DCAF6: variants seen among roughly 807,000 people sequenced by gnomAD.
DCAF6 encodes DDB1 and CUL4 associated factor 6, also known as DDB1- and CUL4-associated factor 6.
DCAF6 carries 54 observed loss-of-function variants against 125.1 expected under a neutral mutation model. The ratio of observed to expected loss-of-function variants is 0.43; its 90% confidence interval spans 0.35 to 0.54. The LOEUF is 0.54. Among genes scored for constraint, DCAF6 ranks in the 20% least tolerant of loss-of-function variants. The pLI is 0.01. For synonymous variants in DCAF6, 371 were observed against 390.4 expected (o/e 0.95, Z 0.58); for missense variants, 934 against 1,161.7 (o/e 0.80, Z 2.85).
At chr1:167,891,655 C>CAA in the DCAF6 span, among the ~76,000 whole-genome samples, 3,040 of 107,586 alleles carry the variant, frequency 0.028, 112 homozygotes, top group African/African-American at 0.092. Flanking sequence ...GACTCTGTCT[C>CAA]AAAAAAAAAA....
chr1:168,020,279 A>G (rs889719347), intron 11 of DCAF6, among the ~76,000 whole-genome samples: 1 of 152,360 alleles, frequency 6.6e-6, no homozygotes, highest in East Asian at 1.9e-4. Flanking sequence ...TAACTTGCCC[A>G]GGGTTACAAT....
chr1:167,936,060 C>T (rs1387715552), upstream of DCAF6: 2 of 583,664 alleles, frequency 3.4e-6, no homozygotes, highest in Non-Finnish European at 6.2e-6. Flanking sequence ...GACTGCCAGC[C>T]CCCGGTCCGC....
the DCAF6 span, among the ~76,000 whole-genome samples, chr1:167,903,734 A>G: frequency 6.6e-6 from 1 of 152,218 alleles, no homozygotes. Flanking sequence ...CAGTTATACT[A>G]TATCATATTT....
At chr1:167,943,110 C>T (rs1359559486) in intron 1 of DCAF6, among the ~76,000 whole-genome samples, 4 of 152,084 alleles carry the variant, frequency 2.6e-5, no homozygotes, top group Non-Finnish European at 4.4e-5. Context: ...GGGGTTTCAC[C>T]GCGTTAGCCA....
At chr1:167,932,210 C>T (rs557809809), upstream of DCAF6, among the ~76,000 whole-genome samples, 21 of 152,250 alleles carry the variant, frequency 1.4e-4, 1 homozygote, top group South Asian at 4.3e-3. Context: ...TCCTCTTGAA[C>T]ATATGCCCTA....
rs147863815 is a variant in DCAF6 at position 168,022,220 on chromosome 1, A to T, written c.1550-768A>T. Among the ~76,000 whole-genome samples, 194 of 152,290 alleles carry T rather than the reference A, an allele frequency of 1.3e-3. 1 individual carries two copies. The highest frequency in any genetic ancestry group is 4.5e-3 in the African/African-American group (187 of 41,568). On this transcript the variant is annotated intron_variant, in intron 11 of 21. Transcript: ENST00000367840. ...GCCTGCCTTAATACCAGTGTTTTTCAAACAGTAGAAACCGCTTATAAAGTA... is the reference window on the plus strand; with the variant it reads ...GCCTGCCTTAATACCAGTGTTTTTCTAACAGTAGAAACCGCTTATAAAGTA...
At chr1:168,058,085 C>CAGTATAAGTCTTGTAT (rs1284392925) in intron 17 of DCAF6, among the ~76,000 whole-genome samples, 3 of 152,182 alleles carry the variant, frequency 2.0e-5, no homozygotes, top group Non-Finnish European at 4.4e-5. Flanking sequence ...ATACTGTATA[C>CAGTATAAGTCTTGTAT]AAGACTGGGA....
At chr1:168,070,141 T>C (rs373747207) in intron 21 of DCAF6, among the ~76,000 whole-genome samples, 2 of 152,284 alleles carry the variant, frequency 1.3e-5, no homozygotes, top group East Asian at 3.8e-4. Flanking sequence ...TAAGGTGTTT[T>C]ATAATATAAA....
intron 10 of DCAF6, among the ~76,000 whole-genome samples, chr1:168,012,277 G>A (rs1309141991): frequency 4.6e-5 from 7 of 152,180 alleles, no homozygotes; most frequent in Non-Finnish European, 7.4e-5. Context: ...CCTTTGTTGC[G>A]TCAACTGTAG....
intron 4 of DCAF6, among the ~76,000 whole-genome samples, chr1:167,984,374 G>T (rs115720978): frequency 7.2e-5 from 11 of 152,118 alleles, no homozygotes; most frequent in African/African-American, 2.7e-4. Context: ...ATAAGAAATA[G>T]ATACATGTTT....
chr1:168,023,459 A>G (rs1421109857), intron 12 of DCAF6: 1 of 175,326 alleles, frequency 5.7e-6, no homozygotes, highest in Non-Finnish European at 1.2e-5. Context: ...TTTAGTAATG[A>G]TACTTGGTTT....
chr1:167,901,663 T>A, the DCAF6 span: 2 of 1,613,970 alleles, frequency 1.2e-6, no homozygotes, highest in African/African-American at 2.7e-5. Context: ...AATGCTTACC[T>A]ATCTTGACTC....
At chr1:167,875,908 G>A in the DCAF6 span, among the ~76,000 whole-genome samples, 6 of 150,600 alleles carry the variant, frequency 4.0e-5, no homozygotes, top group South Asian at 2.1e-4. Context: ...AGCCGAGATC[G>A]CACCACTGCA....
chr1:168,054,052 A>T (rs381095), intron 17 of DCAF6, among the ~76,000 whole-genome samples: 2 of 152,136 alleles, frequency 1.3e-5, no homozygotes, highest in African/African-American at 4.8e-5. Context: ...CATCTCCCTC[A>T]CTTATTTCAG....
At chr1:168,019,843 A>C (rs1386636898) in intron 11 of DCAF6, 1 of 165,836 alleles carries the variant, frequency 6.0e-6, no homozygotes, top group Non-Finnish European at 1.3e-5. Flanking sequence ...GCTCTAAACA[A>C]CACCAGATTT....
intron 17 of DCAF6, among the ~76,000 whole-genome samples, chr1:168,058,521 G>C (rs1045105095): frequency 6.6e-6 from 1 of 152,078 alleles, no homozygotes; most frequent in African/African-American, 2.4e-5. Context: ...TTACAAATAA[G>C]ATTATGCATC....
intron 7 of DCAF6, among the ~76,000 whole-genome samples, chr1:167,999,348 G>A (rs1463591768): frequency 6.6e-6 from 1 of 152,114 alleles, no homozygotes; most frequent in African/African-American, 2.4e-5. Context: ...TTTCAGAATG[G>A]TAAATGAGCA....
intron 4 of DCAF6, among the ~76,000 whole-genome samples, chr1:167,976,960 A>G (rs888697988): frequency 1.7e-5 from 2 of 119,196 alleles, no homozygotes; most frequent in African/African-American, 6.3e-5. Flanking sequence ...CTGAAGTGCA[A>G]TGGCATGATC....
Position 168,038,388 on chromosome 1 carries a change from C to T in DCAF6, c.1627C>T (p.Leu543=), listed in dbSNP as rs763646045. Residue 543 remains leucine, a synonymous_variant, in exon 13 of 22, where the codon CTG becomes TTG. Transcript: ENST00000367840. ...DEQQDNNNEK[L]SPKPGTGEPV... is the part of the protein sequence containing the mutation. ...ATTTTCAGATAACAATAATGAAAAG[C>T]TGAGCCCCAAACCAGGGACAGGTGA... 6.2e-7 allele frequency: 1 copy of T among 1,610,112 alleles called. No individual in the cohort carries two copies. Among genetic ancestry groups the T allele is most frequent in the Non-Finnish European group, 8.5e-7 (1 of 1,178,296 alleles).
Sources: allele counts gnomAD v4.1 joint callset (sites outside exome capture counted in the v4.1 genomes callset), GRCh38; gene constraint gnomAD v4.1.1; transcripts MANE v1.5; gene names NCBI Gene and HGNC (gene_info 2026-07-23, HGNC 2026-07-21).